FSTL4: variants seen among roughly 807,000 people sequenced by gnomAD.
FSTL4 encodes follistatin-related protein 4.
Under a neutral mutation model 78.2 loss-of-function variants are expected in FSTL4, and 28 were observed. The observed-to-expected ratio is 0.36, with a 90% confidence interval of 0.27 to 0.49. The LOEUF (loss-of-function observed/expected upper bound fraction) is 0.49. Ranked by LOEUF, FSTL4 falls within the 20% of genes least tolerant of loss-of-function variation. The pLI is 0.98. For missense variants in FSTL4, 922 were observed against 1,084.9 expected (o/e 0.85, Z 2.11); for synonymous variants, 422 against 440.5 (o/e 0.96, Z 0.53).
intron 4 of FSTL4, among the ~76,000 whole-genome samples, chr5:133,397,212 T>C (rs930063584): frequency 5.9e-5 from 9 of 152,238 alleles, no homozygotes; most frequent in Non-Finnish European, 1.0e-4. Context: ...TGTCACAAGA[T>C]AACTTTGAAA....
the FSTL4 span, among the ~76,000 whole-genome samples, chr5:133,822,418 G>T: frequency 1.3e-5 from 2 of 152,192 alleles, no homozygotes; most frequent in Admixed American, 6.5e-5. Context: ...TATTTGAAGA[G>T]CATATTCTCA....
At chr5:133,399,227 C>G (rs1307551984) in intron 4 of FSTL4, among the ~76,000 whole-genome samples, 2 of 152,166 alleles carry the variant, frequency 1.3e-5, no homozygotes, top group East Asian at 3.8e-4. Context: ...GCTGGAGCAA[C>G]TGGTCAAGTG....
At chr5:133,801,866 C>T in the FSTL4 span, among the ~76,000 whole-genome samples, 1 of 152,226 alleles carries the variant, frequency 6.6e-6, no homozygotes, top group Admixed American at 6.5e-5. Context: ...GTCATTGCCC[C>T]TTCCAGCCAG....
the FSTL4 span, among the ~76,000 whole-genome samples, chr5:133,637,336 T>A: frequency 6.6e-6 from 1 of 152,256 alleles, no homozygotes; most frequent in Admixed American, 6.5e-5. Context: ...TTGCTATTAA[T>A]ACATCCAATG....
At chr5:133,496,243 G>A (rs944540860) in intron 3 of FSTL4, among the ~76,000 whole-genome samples, 2 of 152,220 alleles carry the variant, frequency 1.3e-5, no homozygotes, top group African/African-American at 4.8e-5. Context: ...CAAATGCTCT[G>A]TAGGTATGGA....
At chr5:133,234,392 G>A (rs982080369) in intron 7 of FSTL4, among the ~76,000 whole-genome samples, 13 of 152,338 alleles carry the variant, frequency 8.5e-5, no homozygotes, top group African/African-American at 2.4e-4. Flanking sequence ...AGTGCACAGA[G>A]GAGGGATGGG....
chr5:133,478,301 T>C (rs1757961132), intron 3 of FSTL4, among the ~76,000 whole-genome samples: 1 of 152,232 alleles, frequency 6.6e-6, no homozygotes, highest in Admixed American at 6.5e-5. Flanking sequence ...GGTGTGGCTA[T>C]ACACACAAAC....
chr5:133,247,648 C>T (rs1479782183), intron 7 of FSTL4: 1 of 152,264 alleles, frequency 6.6e-6, no homozygotes, highest in African/African-American at 2.4e-5. Flanking sequence ...TCAGACAAGC[C>T]CTGGCCATCG....
At chr5:133,709,993 ATG>A in the FSTL4 span, among the ~76,000 whole-genome samples, 1 of 152,182 alleles carries the variant, frequency 6.6e-6, no homozygotes, top group Non-Finnish European at 1.5e-5. Context: ...AGAGCCTGAG[ATG>A]TGTCTTTCCA....
intron 4 of FSTL4, among the ~76,000 whole-genome samples, chr5:133,327,246 T>C (rs1025464987): frequency 6.6e-6 from 1 of 152,198 alleles, no homozygotes; most frequent in African/African-American, 2.4e-5. Flanking sequence ...GGAGAGCTGC[T>C]ATAGATTCTC....
intron 4 of FSTL4, among the ~76,000 whole-genome samples, chr5:133,321,170 A>T (rs1754041449): frequency 6.6e-6 from 1 of 152,072 alleles, no homozygotes; most frequent in Non-Finnish European, 1.5e-5. Context: ...GACCAAGGGG[A>T]CTTCAGCAGC....
chr5:133,206,492 G>T (rs755634670), intron 14 of FSTL4, among the ~76,000 whole-genome samples: 1 of 152,080 alleles, frequency 6.6e-6, no homozygotes, highest in African/African-American at 2.4e-5. Flanking sequence ...CTCCTGAGTC[G>T]CTGGGATTAC....
At chr5:133,561,128 A>G (rs1474898439) in intron 3 of FSTL4, among the ~76,000 whole-genome samples, 3 of 147,630 alleles carry the variant, frequency 2.0e-5, no homozygotes, top group East Asian at 2.0e-4. Flanking sequence ...AATAATAATA[A>G]TAATAATAAT....
At chr5:133,810,466 T>A in the FSTL4 span, among the ~76,000 whole-genome samples, 2 of 152,140 alleles carry the variant, frequency 1.3e-5, no homozygotes, top group African/African-American at 4.8e-5. Flanking sequence ...ATATCCAAGG[T>A]CCATTGTCTC....
the FSTL4 span, among the ~76,000 whole-genome samples, chr5:133,650,634 C>T: frequency 6.6e-6 from 1 of 152,116 alleles, no homozygotes; most frequent in African/African-American, 2.4e-5. Context: ...CATTCTGTTC[C>T]ATTGATCTAT....
Position 133,233,486 on chromosome 5 carries a change from T to C in FSTL4, c.946A>G (p.Met316Val), listed in dbSNP as rs758989810. Residue 316 changes from methionine (M) to valine (V), a missense_variant, in exon 8 of 16, where the codon ATG becomes GTG. By Grantham distance (21) the Met-to-Val change is conservative (BLOSUM62 1). Transcript: ENST00000265342. Reference protein sequence around the residue: ...LYITKVTTIHMGNYTCHASGH... With the variant: ...LYITKVTTIHVGNYTCHASGH... ...GAAGCATGGCAGGTGTAATTGCCCA[T>C]GTGGATGGTGGTCACCTTGGTGATG... is the stretch of plus-strand genomic sequence containing the variant. 2.4e-5 allele frequency: 38 copies of C among 1,614,020 alleles called. No homozygotes were observed. In the Admixed American group the frequency reaches 6.2e-4, roughly 26 times the overall value.
chr5:133,598,831 C>A (rs1292863885), intron 2 of FSTL4, among the ~76,000 whole-genome samples: 1 of 152,188 alleles, frequency 6.6e-6, no homozygotes, highest in Non-Finnish European at 1.5e-5. Flanking sequence ...GTGAGTATCA[C>A]AAGGGTGATG....
chr5:133,839,309 T>C, the FSTL4 span, among the ~76,000 whole-genome samples: 1 of 152,356 alleles, frequency 6.6e-6, no homozygotes, highest in East Asian at 1.9e-4. Context: ...TACCTTTGCT[T>C]TATTCCTGCA....
At chr5:133,660,218 A>C in the FSTL4 span, among the ~76,000 whole-genome samples, 3 of 152,336 alleles carry the variant, frequency 2.0e-5, no homozygotes, top group Non-Finnish European at 2.9e-5. Flanking sequence ...GCCTGGAGAC[A>C]AAGCAGTGAA....
Sources: allele counts gnomAD v4.1 joint callset (sites outside exome capture counted in the v4.1 genomes callset), GRCh38; gene constraint gnomAD v4.1.1; transcripts MANE v1.5; gene names NCBI Gene and HGNC (gene_info 2026-07-23, HGNC 2026-07-21).